FMN2: variants seen among roughly 807,000 people sequenced by gnomAD.
FMN2 encodes formin-2.
FMN2 carries 51 observed loss-of-function variants against 142.3 expected under a neutral mutation model. The observed-to-expected ratio is 0.36, with a 90% CI of 0.29 to 0.45. The LOEUF (loss-of-function observed/expected upper bound fraction) is 0.45, where lower values mean the gene tolerates loss of function less well. Ranked by LOEUF, FMN2 falls within the 20% of genes least tolerant of loss-of-function variation. FMN2 has a pLI of 1.00. For synonymous variants in FMN2, 882 were observed against 869.8 expected (o/e 1.01, Z -0.25); for missense variants, 1,936 against 2,122.8 (o/e 0.91, Z 1.73).
At chr1:240,202,957 A>G (rs917087810) in intron 4 of FMN2, among the ~76,000 whole-genome samples, 1 of 152,238 alleles carries the variant, frequency 6.6e-6, no homozygotes, top group Non-Finnish European at 1.5e-5. Context: ...TTATATAATC[A>G]TAGTTCATGA....
Position 240,144,822 on chromosome 1 carries a change from G to A in FMN2, c.1782+21477G>A, listed in dbSNP as rs1443472257. Reference sequence around the variant, plus strand: ...GGGACGATTTCCTTCACCAGAGTGAGCAGTGGCTCCTGCTGGACCTTCTTT... The same window carrying A: ...GGGACGATTTCCTTCACCAGAGTGAACAGTGGCTCCTGCTGGACCTTCTTT... On this transcript the variant is annotated intron_variant, in intron 2 of 17. Coordinates refer to ENST00000319653, the MANE Select transcript of FMN2 (RefSeq NM_020066.5). 1.3e-5 allele frequency: 18 copies of A among 1,436,672 alleles called. No homozygotes were observed. The Admixed American group carries it at 3.0e-4, about 24-fold the overall frequency. The allele number at this position is 1,436,672 out of a possible 1,614,324, so 89.0% of individuals were successfully genotyped here. A position where few individuals can be genotyped will look rare whatever the true frequency, so the allele number is the denominator to read the frequency against.
intron 1 of FMN2, among the ~76,000 whole-genome samples, chr1:240,114,656 C>CTTT (rs1219188121): frequency 7.3e-6 from 1 of 137,716 alleles, no homozygotes; most frequent in African/African-American, 2.8e-5. Flanking sequence ...TATATCATTT[C>CTTT]TTTTTTTTTT....
intron 15 of FMN2, among the ~76,000 whole-genome samples, chr1:240,420,193 T>TGGCCTCTGGGTGG (rs1394712903): frequency 1.3e-5 from 2 of 152,172 alleles, no homozygotes; most frequent in Non-Finnish European, 2.9e-5. Flanking sequence ...GCATTCTTTA[T>TGGCCTCTGGGTGG]GGCCTCTGGG....
chr1:240,126,322 C>T (rs890218801), intron 2 of FMN2, among the ~76,000 whole-genome samples: 1 of 152,044 alleles, frequency 6.6e-6, no homozygotes, highest in African/African-American at 2.4e-5. Context: ...CGAGACAGAA[C>T]ATGCTGTGGG....
At chr1:240,226,683 C>T (rs1412931116) in intron 6 of FMN2, among the ~76,000 whole-genome samples, 4 of 152,084 alleles carry the variant, frequency 2.6e-5, no homozygotes, top group Non-Finnish European at 4.4e-5. Flanking sequence ...GAGCTATGAT[C>T]GTGCCACTGT....
chr1:240,453,160 C>G (rs1485480101), intron 16 of FMN2, among the ~76,000 whole-genome samples: 2 of 152,160 alleles, frequency 1.3e-5, no homozygotes, highest in Non-Finnish European at 2.9e-5. Flanking sequence ...ATAGAAACTT[C>G]TTAGTTAATG....
In FMN2 at chr1:240,176,474, G is replaced by A. The variant is rs533740421; in HGVS notation, c.1783-1447G>A. Among the ~76,000 whole-genome samples, 28 of 152,312 alleles carry A rather than the reference G, an allele frequency of 1.8e-4. 1 individual carries two copies. In the South Asian group the frequency reaches 5.6e-3, roughly 30 times the overall value. On this transcript the variant is annotated intron_variant, in intron 2 of 17. Coordinates refer to ENST00000319653, the MANE Select transcript of FMN2 (RefSeq NM_020066.5). ...ACCGACTGTTGGCAACAGGCAAAGA[G>A]ACATCCTCCTAAACTAGAGGTGGGA...
At chr1:240,295,627 A>G (rs936177923) in intron 8 of FMN2, among the ~76,000 whole-genome samples, 1 of 152,154 alleles carries the variant, frequency 6.6e-6, no homozygotes, top group Non-Finnish European at 1.5e-5. Context: ...ATAATATTCC[A>G]TGGTGTATAT....
intron 15 of FMN2, among the ~76,000 whole-genome samples, chr1:240,417,757 A>G (rs987726511): frequency 6.6e-6 from 1 of 152,192 alleles, no homozygotes; most frequent in African/African-American, 2.4e-5. Context: ...ATGACCTGCT[A>G]AATAAGTGAA....
At chr1:240,112,858 C>T (rs1196546221) in intron 1 of FMN2, among the ~76,000 whole-genome samples, 1 of 152,198 alleles carries the variant, frequency 6.6e-6, no homozygotes, top group Non-Finnish European at 1.5e-5. Context: ...GACTGACCTT[C>T]TAGCTGGCAC....
chr1:240,192,779 A>G (rs1186777060), intron 4 of FMN2, among the ~76,000 whole-genome samples: 1 of 152,176 alleles, frequency 6.6e-6, no homozygotes, highest in Admixed American at 6.5e-5. Context: ...GGCAGTGCTG[A>G]CATTGAAGAT....
intron 2 of FMN2, among the ~76,000 whole-genome samples, chr1:240,154,107 C>CAAAAAAAAAAA (rs3047182): frequency 5.4e-5 from 3 of 55,304 alleles, no homozygotes; most frequent in South Asian, 8.0e-4. Flanking sequence ...GAGATTCCAT[C>CAAAAAAAAAAA]AAAAAAAAAA....
intron 14 of FMN2, among the ~76,000 whole-genome samples, chr1:240,387,216 T>C (rs1333997145): frequency 1.3e-5 from 2 of 152,222 alleles, no homozygotes; most frequent in East Asian, 1.9e-4. Flanking sequence ...GATTGCTTTA[T>C]TTTACTATCA....
intron 2 of FMN2, chr1:240,145,048 C>G (rs10926140): frequency 0.7 from 961,397 of 1,379,104 alleles, 335,879 homozygotes; most frequent in African/African-American, 0.89. Context: ...TGTTCTCATA[C>G]ATTTCCTTCA....
chr1:240,377,104 T>A (rs1425967415), intron 14 of FMN2, among the ~76,000 whole-genome samples: 1 of 152,230 alleles, frequency 6.6e-6, no homozygotes, highest in Non-Finnish European at 1.5e-5. Context: ...TTCATCCTCA[T>A]AATTAGCATT....
At position 240,375,875 on chromosome 1, in the gene FMN2, G is replaced by A. The variant is rs571211811; in HGVS notation, c.4859-16636G>A. ...TTATTTATCAGTTAGTAAGAAGGCTGTAATCTCTAGTTACAACTTTTGATT... is the reference window on the plus strand; with the variant it reads ...TTATTTATCAGTTAGTAAGAAGGCTATAATCTCTAGTTACAACTTTTGATT... On this transcript the variant is annotated intron_variant, in intron 14 of 17. Transcript: ENST00000319653. Among the ~76,000 whole-genome samples, 5 of 152,290 alleles carry A rather than the reference G, an allele frequency of 3.3e-5. 1 individual carries two copies. The Middle Eastern group carries it at 0.01, about 311-fold the overall frequency.
At chr1:240,389,375 C>T (rs1290932121) in intron 14 of FMN2, among the ~76,000 whole-genome samples, 1 of 152,066 alleles carries the variant, frequency 6.6e-6, no homozygotes, top group Admixed American at 6.5e-5. Context: ...TTCTGTGTTA[C>T]CTTCAGCAAA....
At chr1:240,410,546 C>T (rs1167312267) in intron 15 of FMN2, among the ~76,000 whole-genome samples, 1 of 152,068 alleles carries the variant, frequency 6.6e-6, no homozygotes, top group Non-Finnish European at 1.5e-5. Flanking sequence ...AGATCATCAA[C>T]CAAATAAATT....
chr1:240,472,689 G>A (rs920390813), intron 17 of FMN2, among the ~76,000 whole-genome samples: 2 of 152,048 alleles, frequency 1.3e-5, no homozygotes, highest in Non-Finnish European at 2.9e-5. Context: ...GCTCATGCCT[G>A]TAATTCCAGC....
Sources: gnomAD v4.1 joint callset for allele counts (sites outside exome capture counted in the v4.1 genomes callset) on GRCh38, gnomAD v4.1.1 for gene constraint, MANE v1.5 for transcripts, NCBI Gene and HGNC (gene_info 2026-07-23, HGNC 2026-07-21) for gene names.